SLC24A2: variants seen among roughly 807,000 people sequenced by gnomAD.
SLC24A2 encodes the protein sodium/potassium/calcium exchanger 2.
In SLC24A2, 36 loss-of-function variants were observed where a neutral mutation model predicts 62.0. The observed-to-expected ratio is 0.58, with a 90% CI of 0.44 to 0.77. The LOEUF is 0.77. Among genes scored for constraint, SLC24A2 ranks in the 30% least tolerant of loss-of-function variants. SLC24A2 has a pLI of 0.00. For missense variants in SLC24A2, 846 were observed against 817.9 expected, an observed-to-expected ratio of 1.03 and a Z score of -0.42; for synonymous variants, 358 against 294.0, an observed-to-expected ratio of 1.22 and a Z score of -2.23.
chr9:20,060,714 C>T, the SLC24A2 span, among the ~76,000 whole-genome samples: 8 of 151,990 alleles, frequency 5.3e-5, no homozygotes, highest in East Asian at 9.7e-4. Context: ...GAAAACTGTG[C>T]GCCTAAGAAA....
chr9:19,724,982 A>C (rs931941482), intron 2 of SLC24A2, among the ~76,000 whole-genome samples: 2 of 152,140 alleles, frequency 1.3e-5, no homozygotes, highest in Non-Finnish European at 2.9e-5. Flanking sequence ...TTGCCAGAGG[A>C]GCTCACGTGC....
In SLC24A2 at chr9:19,597,218, A is replaced by G. The variant is rs1397295567; in HGVS notation, c.1129+11T>C. 1.9e-6 allele frequency: 3 copies of G among 1,561,478 alleles called. No homozygotes were observed. The African/African-American group carries it at 4.1e-5, about 21-fold the overall frequency. The stretch of plus-strand genomic sequence containing the variant: ...AAAAGCCAATGCATACAATTCTAAA[A>G]TCATTCTTACCTTCTTCAGTCATTG... On this transcript the variant is annotated intron_variant, in intron 5 of 10. Transcript: ENST00000341998.
the SLC24A2 span, among the ~76,000 whole-genome samples, chr9:19,846,676 G>T: frequency 6.6e-6 from 1 of 152,080 alleles, no homozygotes; most frequent in Non-Finnish European, 1.5e-5. Flanking sequence ...AGGGTCTGTG[G>T]GCTATGTATT....
chr9:19,535,763 T>A (rs761136065), intron 8 of SLC24A2, among the ~76,000 whole-genome samples: 15 of 151,702 alleles, frequency 9.9e-5, no homozygotes, highest in Non-Finnish European at 1.9e-4. Context: ...TAGCCTAGTT[T>A]GGAGTCAGGT....
chr9:20,145,557 T>C, the SLC24A2 span, among the ~76,000 whole-genome samples: 1 of 151,790 alleles, frequency 6.6e-6, no homozygotes, highest in African/African-American at 2.4e-5. Context: ...AGGAGTTCTT[T>C]TTTTTAAAAA....
chr9:20,029,031 A>T, the SLC24A2 span, among the ~76,000 whole-genome samples: 3 of 152,154 alleles, frequency 2.0e-5, no homozygotes, highest in Admixed American at 2.0e-4. Flanking sequence ...GAACCTCTCA[A>T]GCCAGACTAC....
intron 2 of SLC24A2, among the ~76,000 whole-genome samples, chr9:19,673,779 T>C (rs1394988813): frequency 6.6e-6 from 1 of 152,198 alleles, no homozygotes; most frequent in Non-Finnish European, 1.5e-5. Context: ...GTGAGTTTCC[T>C]GAAAACAGCA....
At chr9:19,586,861 G>T (rs1206511071) in intron 5 of SLC24A2, among the ~76,000 whole-genome samples, 6 of 152,122 alleles carry the variant, frequency 3.9e-5, no homozygotes, top group Admixed American at 2.0e-4. Context: ...ATTCTCAGAG[G>T]TTTGCCTTAT....
At chr9:19,523,849 T>C (rs1486709600) in intron 9 of SLC24A2, among the ~76,000 whole-genome samples, 1 of 152,176 alleles carries the variant, frequency 6.6e-6, no homozygotes, top group Non-Finnish European at 1.5e-5. Flanking sequence ...GGAACAGAAG[T>C]GGGCTTACTG....
intron 2 of SLC24A2, among the ~76,000 whole-genome samples, chr9:19,774,483 A>G (rs1054628102): frequency 6.6e-6 from 1 of 152,220 alleles, no homozygotes; most frequent in Non-Finnish European, 1.5e-5. Flanking sequence ...CCAATATTCA[A>G]TGTCTATTAC....
chr9:19,540,613 AC>A (rs1834204198), intron 8 of SLC24A2, among the ~76,000 whole-genome samples: 1 of 145,670 alleles, frequency 6.9e-6, no homozygotes, highest in Non-Finnish European at 1.5e-5. Context: ...GGGTAACCTG[AC>A]CTTTCTCTCT....
the SLC24A2 span, among the ~76,000 whole-genome samples, chr9:20,090,266 G>A: frequency 1.3e-5 from 2 of 152,134 alleles, no homozygotes; most frequent in African/African-American, 4.8e-5. Flanking sequence ...GAGCCCCCAG[G>A]AGACAAGAAA....
At chr9:20,272,715 A>G in the SLC24A2 span, among the ~76,000 whole-genome samples, 12 of 152,354 alleles carry the variant, frequency 7.9e-5, no homozygotes, top group East Asian at 2.3e-3. Context: ...GCCTAAAATT[A>G]ATGGCATCTC....
the SLC24A2 span, among the ~76,000 whole-genome samples, chr9:20,277,594 C>T: frequency 1.3e-5 from 2 of 152,126 alleles, no homozygotes; most frequent in East Asian, 3.9e-4. Context: ...ACAACAGGTG[C>T]TGGAGAGGAT....
chr9:19,684,810 T>C (rs1201085369), intron 2 of SLC24A2, among the ~76,000 whole-genome samples: 1 of 151,950 alleles, frequency 6.6e-6, no homozygotes, highest in African/African-American at 2.4e-5. Context: ...TGCCTACTCT[T>C]ACCACTCCTG....
the SLC24A2 span, among the ~76,000 whole-genome samples, chr9:20,307,775 C>T: frequency 2.0e-5 from 3 of 152,132 alleles, no homozygotes; most frequent in Non-Finnish European, 2.9e-5. Context: ...TTCCGGGACT[C>T]GGTCCCTGAC....
chr9:20,012,641 A>T, the SLC24A2 span, among the ~76,000 whole-genome samples: 104 of 152,354 alleles, frequency 6.8e-4, 3 homozygotes, highest in East Asian at 0.02. Flanking sequence ...AAAGATCCAA[A>T]GATCCCCCCA....
At chr9:19,611,876 C>T (rs1481588505) in intron 4 of SLC24A2, among the ~76,000 whole-genome samples, 2 of 152,072 alleles carry the variant, frequency 1.3e-5, no homozygotes, top group African/African-American at 4.8e-5. Flanking sequence ...AATAGATTTC[C>T]CCAAATCGAT....
At chr9:19,806,235 AC>A in the SLC24A2 span, among the ~76,000 whole-genome samples, 2 of 152,196 alleles carry the variant, frequency 1.3e-5, no homozygotes, top group Non-Finnish European at 2.9e-5. Flanking sequence ...GGAGGAGTGC[AC>A]CCGCAGATCA....
Sources: allele counts gnomAD v4.1 joint callset (sites outside exome capture counted in the v4.1 genomes callset), GRCh38; gene constraint gnomAD v4.1.1; transcripts MANE v1.5; gene names NCBI Gene and HGNC (gene_info 2026-07-23, HGNC 2026-07-21).